Variants in FXN observed in about 807,000 individuals in gnomAD.
FXN encodes frataxin.
In FXN, 14 loss-of-function variants were observed where a neutral mutation model predicts 22.4. The ratio of observed to expected loss-of-function variants is 0.62; its 90% CI spans 0.41 to 0.98. The LOEUF (loss-of-function observed/expected upper bound fraction) is 0.98. Among genes scored for constraint, FXN ranks in the 50% least tolerant of loss-of-function variants. The pLI, the probability that FXN is intolerant of heterozygous loss-of-function variation, is 0.00. For synonymous variants in FXN, 120 were observed against 114.1 expected (o/e 1.05, Z -0.33); for missense variants, 267 against 268.4 (o/e 0.99, Z 0.04).
chr9:69,067,249 C>G lies in FXN; in HGVS notation c.482+2214C>G, dbSNP rs149400821. On this transcript the variant is annotated intron_variant, in intron 4 of 4. Transcript: ENST00000484259. ...CCCCACTCCCGGCCTGCTGCCCACA[C>G]AGACTGCGGGGTTCCGGGGGAGCAG... Among the ~76,000 whole-genome samples the G allele has an allele frequency of 6.1e-3, 927 of 152,380 alleles. 4 individuals carry two copies. The highest frequency in any genetic ancestry group is 9.2e-3 in the Non-Finnish European group (625 of 68,030).
chr9:69,072,521 A>C (rs1806527844), intron 4 of FXN, 91 bp from the exon 5 acceptor site: 2 of 1,606,556 alleles, frequency 1.2e-6, no homozygotes, highest in Non-Finnish European at 1.7e-6. Context: ...GCTTTACTCC[A>C]GTCAATTTCT....
At chr9:69,042,578 G>A (rs1037027699) in intron 1 of FXN, among the ~76,000 whole-genome samples, 3 of 152,134 alleles carry the variant, frequency 2.0e-5, no homozygotes, top group South Asian at 2.1e-4. Flanking sequence ...ATTTGGCAAC[G>A]GTTCTTTTTT....
chr9:69,044,740 C>A (rs1831716941), intron 1 of FXN, among the ~76,000 whole-genome samples: 2 of 152,172 alleles, frequency 1.3e-5, no homozygotes, highest in Non-Finnish European at 2.9e-5. Context: ...CCCAGTGGCT[C>A]TTGTCTGATT....
intron 3 of FXN, among the ~76,000 whole-genome samples, chr9:69,060,922 G>C (rs1832060413): frequency 6.6e-6 from 1 of 152,158 alleles, no homozygotes; most frequent in Admixed American, 6.5e-5. Context: ...GGAGGTCAGG[G>C]GACAAGCAAG....
intron 2 of FXN, among the ~76,000 whole-genome samples, chr9:69,051,445 G>A (rs1414998631): frequency 5.3e-5 from 8 of 151,116 alleles, no homozygotes; most frequent in Non-Finnish European, 1.2e-4. Flanking sequence ...TTTGAGAAGT[G>A]TTAAATAATC....
intron 2 of FXN, among the ~76,000 whole-genome samples, chr9:69,047,362 C>T (rs1302410207): frequency 6.6e-6 from 1 of 151,930 alleles, no homozygotes; most frequent in African/African-American, 2.4e-5. Context: ...CACACACACA[C>T]ACACACACAC....
intron 3 of FXN, among the ~76,000 whole-genome samples, 167 bp downstream of exon 3, chr9:69,053,427 C>T (rs1027217160): frequency 3.3e-5 from 5 of 150,076 alleles, no homozygotes; most frequent in Non-Finnish European, 5.9e-5. Flanking sequence ...GCCAAAATCA[C>T]GCCACTGCAC....
At position 69,076,290 on chromosome 9, in the gene FXN, C is replaced by T; in HGVS notation, c.*3528C>T. 2.0e-6 allele frequency: 2 copies of T among 984,590 alleles called. No homozygotes were observed. The highest frequency in any genetic ancestry group is 2.4e-6 in the Non-Finnish European group (2 of 829,712). The allele number at this position is 984,590 out of a possible 1,614,324, so 61.0% of individuals were successfully genotyped here. On this transcript the variant is annotated 3_prime_UTR_variant, in exon 5 of 5. Transcript: ENST00000484259. Reference sequence around the variant, plus strand: ...CCTGGGCCCACAGGCAAAGCACAATCCTGATGTGAGAAGTACTCAGTTCAT... The same window carrying T: ...CCTGGGCCCACAGGCAAAGCACAATTCTGATGTGAGAAGTACTCAGTTCAT...
intron 4 of FXN, among the ~76,000 whole-genome samples, chr9:69,072,252 A>C (rs1475320625): frequency 6.6e-6 from 1 of 152,236 alleles, no homozygotes; most frequent in Non-Finnish European, 1.5e-5. Flanking sequence ...ATTATAGGTA[A>C]GGCACAAGTT....
In FXN at chr9:69,073,384, A is replaced by G. The variant is rs4744807; in HGVS notation, c.*622A>G. ...GGAGACCTAGTGCTGTTTCTCCCAC[A>G]TATTCACATACGTGTCTGTGTGTAT... On this transcript the variant is annotated 3_prime_UTR_variant, in exon 5 of 5. Transcript: ENST00000484259. 411,399 of 983,850 alleles carry G rather than the reference A, an allele frequency of 0.42. 87,351 individuals are homozygous for G. Among genetic ancestry groups the G allele is most frequent in the East Asian group, 0.57 (4,992 of 8,792 alleles). 60.9% of individuals were successfully genotyped at this position (983,850 alleles called of 1,614,324 possible).
chr9:69,068,438 C>G (rs751126091), intron 4 of FXN, among the ~76,000 whole-genome samples: 1 of 152,198 alleles, frequency 6.6e-6, no homozygotes, highest in Non-Finnish European at 1.5e-5. Flanking sequence ...GAACACCCCA[C>G]AGGGTTCCGA....
chr9:69,037,284 A>AAAGAAGAAGAAGAAGAAGAAG (rs193922938), intron 1 of FXN, among the ~76,000 whole-genome samples: 6 of 78,060 alleles, frequency 7.7e-5, no homozygotes, highest in African/African-American at 2.8e-4. Flanking sequence ...AAAAAAAAAA[A>AAAGAAGAAGAAGAAGAAGAAG]AAGAAGAAGA....
Position 69,074,894 on chromosome 9 carries a change from T to G in FXN, c.*2132T>G. 4 of 985,298 alleles carry G rather than the reference T, an allele frequency of 4.1e-6. No homozygotes were observed. Among genetic ancestry groups the G allele is most frequent in the Non-Finnish European group, 4.8e-6 (4 of 829,798 alleles). 61.0% of individuals were successfully genotyped at this position (985,298 alleles called of 1,614,324 possible). A position where few individuals can be genotyped will look rare whatever the true frequency, so the allele number is the denominator to read the frequency against. ...AGAAAATAAATAACATCATACATGT[T>G]TGTATGTGTTTGCATCTTGCTTCTA... is the stretch of plus-strand genomic sequence containing the variant. On this transcript the variant is annotated 3_prime_UTR_variant, in exon 5 of 5. Coordinates refer to ENST00000484259, the MANE Select transcript of FXN (RefSeq NM_000144.5).
Position 69,075,987 on chromosome 9 carries a change from G to GT in FXN, c.*3226dup, listed in dbSNP as rs1461801039. On this transcript the variant is annotated 3_prime_UTR_variant, in exon 5 of 5. Transcript: ENST00000484259. ...CCCAAGATGCTGGGATTACAGGTGT[G>GT]TGCCACAGGTGTTCATCAGAAAGCT... 2 of 980,272 alleles carry GT rather than the reference G, an allele frequency of 2.0e-6. No homozygotes were observed. The highest frequency in any genetic ancestry group is 3.5e-5 in the African/African-American group (2 of 57,024). The allele number at this position is 980,272 out of a possible 1,614,324, so 60.7% of individuals were successfully genotyped here. A position where few individuals can be genotyped will look rare whatever the true frequency, so the allele number is the denominator to read the frequency against.
Position 69,058,232 on chromosome 9 carries a change from G to T in FXN, c.384+4972G>T, listed in dbSNP as rs369226651. On this transcript the variant is annotated intron_variant, in intron 3 of 4. Coordinates refer to ENST00000484259, the MANE Select transcript of FXN (RefSeq NM_000144.5). ...AGGTGGATGCCAATGTCTGGCCCAG[G>T]CATCACCCCTTACTGGCACTGGTCA... Among the ~76,000 whole-genome samples, 5 of 151,980 alleles carry T rather than the reference G, an allele frequency of 3.3e-5. No individual in the cohort carries two copies. The East Asian group carries it at 7.7e-4, about 23-fold the overall frequency.
Position 69,073,084 on chromosome 9 carries a change from A to G in FXN, c.*322A>G. On this transcript the variant is annotated 3_prime_UTR_variant, in exon 5 of 5. Coordinates refer to ENST00000484259, the MANE Select transcript of FXN (RefSeq NM_000144.5). ...AAAAAAGCAAAATAATAAGAAGGAA[A>G]AATTCCAGGAGGGAAAATGAATTGT... 1 of 1,190,266 alleles carries G rather than the reference A, an allele frequency of 8.4e-7. No homozygotes were observed. Among genetic ancestry groups the G allele is most frequent in the Non-Finnish European group, 1.0e-6 (1 of 955,160 alleles). The allele number at this position is 1,190,266 out of a possible 1,614,324, so 73.7% of individuals were successfully genotyped here. A position where few individuals can be genotyped will look rare whatever the true frequency, so the allele number is the denominator to read the frequency against.
In FXN at chr9:69,075,584, C is replaced by T. The variant is rs1451239681; in HGVS notation, c.*2822C>T. ...CTGTGTGTACCAATAGCCTCCCCACCACAGACCCTGGGAGCATCGCCTCAT... is the reference window on the plus strand; with the variant it reads ...CTGTGTGTACCAATAGCCTCCCCACTACAGACCCTGGGAGCATCGCCTCAT... On this transcript the variant is annotated 3_prime_UTR_variant, in exon 5 of 5. Coordinates refer to ENST00000484259, the MANE Select transcript of FXN (RefSeq NM_000144.5). 8 of 985,152 alleles carry T rather than the reference C, an allele frequency of 8.1e-6. No homozygotes were observed. In the South Asian group the frequency reaches 2.4e-4, roughly 29 times the overall value. The allele number at this position is 985,152 out of a possible 1,614,324, so 61.0% of individuals were successfully genotyped here.
At chr9:69,060,764 A>G (rs1357337594) in intron 3 of FXN, among the ~76,000 whole-genome samples, 1 of 152,218 alleles carries the variant, frequency 6.6e-6, no homozygotes, top group Non-Finnish European at 1.5e-5. Flanking sequence ...ATGGTATCAC[A>G]CTACCTGGAC....
Position 69,072,624 on chromosome 9 carries a change from T to G in FXN, c.495T>G (p.Arg165=). 6.2e-7 allele frequency: 1 copy of G among 1,614,184 alleles called. No individual in the cohort carries two copies. Among genetic ancestry groups the G allele is most frequent in the South Asian group, 1.1e-5 (1 of 91,084 alleles). ...WLSSPSSGPK[R]YDWTGKNWVY... The stretch of plus-strand genomic sequence containing the variant: ...TTTTGTCTTCCAGTGGACCTAAGCG[T>G]TATGACTGGACTGGGAAAAACTGGG... Residue 165 remains arginine, a synonymous_variant, in exon 5 of 5, where the codon CGT becomes CGG. Coordinates refer to ENST00000484259, the MANE Select transcript of FXN (RefSeq NM_000144.5).
Sources: gnomAD v4.1 joint callset for allele counts (sites outside exome capture counted in the v4.1 genomes callset) on GRCh38, gnomAD v4.1.1 for gene constraint, MANE v1.5 for transcripts, NCBI Gene and HGNC (gene_info 2026-07-23, HGNC 2026-07-21) for gene names.